Variants in FILIP1 observed in about 807,000 individuals in gnomAD.
FILIP1 encodes the protein filamin A interacting protein 1, also known as filamin-A-interacting protein 1.
FILIP1 carries 61 observed loss-of-function variants against 102.1 expected under a neutral mutation model. The ratio of observed to expected loss-of-function variants is 0.60; its 90% CI spans 0.49 to 0.74. The LOEUF (loss-of-function observed/expected upper bound fraction) is 0.74. FILIP1 is among the 30% of genes least tolerant of loss of function. The pLI is 0.00. For missense variants in FILIP1, 1,314 were observed against 1,441.2 expected, an observed-to-expected ratio of 0.91 and a Z score of 1.43; for synonymous variants, 491 against 526.9, an observed-to-expected ratio of 0.93 and a Z score of 0.93.
intron 1 of FILIP1, among the ~76,000 whole-genome samples, chr6:75,432,760 C>A (rs1276646440): frequency 6.6e-6 from 1 of 151,898 alleles, no homozygotes; most frequent in African/African-American, 2.4e-5. Context: ...TATACATGTG[C>A]CATGTTGGTG....
At chr6:75,407,170 A>G (rs1005109630) in intron 2 of FILIP1, among the ~76,000 whole-genome samples, 1 of 152,198 alleles carries the variant, frequency 6.6e-6, no homozygotes, top group Non-Finnish European at 1.5e-5. Context: ...TGAGTTAAGA[A>G]GTTACAGAAT....
chr6:75,433,220 AT>A (rs1346642108), intron 1 of FILIP1, among the ~76,000 whole-genome samples: 3 of 152,192 alleles, frequency 2.0e-5, no homozygotes, highest in Non-Finnish European at 4.4e-5. Context: ...GTCAAATGGT[AT>A]TTCTAGTTCT....
chr6:75,322,813 C>T (rs1773707050), intron 4 of FILIP1, among the ~76,000 whole-genome samples: 1 of 152,136 alleles, frequency 6.6e-6, no homozygotes, highest in East Asian at 1.9e-4. Flanking sequence ...CCCACCTCAG[C>T]CTCCTGAGTA....
At position 75,326,124 on chromosome 6, in the gene FILIP1, T is replaced by TAC. The variant is rs1554200337; in HGVS notation, c.630-10923_630-10922insGT. Among the ~76,000 whole-genome samples, 1,081 of 139,674 alleles carry TAC rather than the reference T, an allele frequency of 7.7e-3. 7 individuals carry two copies. The highest frequency in any genetic ancestry group is 0.021 in the African/African-American group (820 of 38,990). 91.6% of individuals were successfully genotyped at this position (139,674 alleles called of 152,430 possible). A position where few individuals can be genotyped will look rare whatever the true frequency, so the allele number is the denominator to read the frequency against. The stretch of plus-strand genomic sequence containing the variant: ...ATAGATAGATAGAGAGATAGATAGA[T>TAC]ATACACACACACACACACACACATC... On this transcript the variant is annotated intron_variant, in intron 4 of 5. Coordinates refer to ENST00000237172, the MANE Select transcript of FILIP1 (RefSeq NM_015687.5).
At chr6:75,375,003 T>C (rs1330143701) in intron 2 of FILIP1, among the ~76,000 whole-genome samples, 3 of 152,176 alleles carry the variant, frequency 2.0e-5, no homozygotes, top group Non-Finnish European at 4.4e-5. Flanking sequence ...ACACAGCTAT[T>C]TGCATGAGGC....
In FILIP1 at chr6:75,312,797, A is replaced by G. The variant is rs2149547182; in HGVS notation, c.3035T>C (p.Val1012Ala). ...RPTSPIQIMT[V>A]STSAAPAEIA... ...CTCAGCTGGTGCTGCTGATGTAGAC[A>G]CCGTCATTATCTGAATAGGGGATGT... The change falls in exon 5 of 6, where the codon GTG becomes GCG. Residue 1012 changes from valine (V) to alanine (A), a missense_variant. Val to Ala is a moderately conservative substitution (Grantham distance 64). Coordinates refer to ENST00000237172, the MANE Select transcript of FILIP1 (RefSeq NM_015687.5). 1 of 1,614,138 alleles carries G rather than the reference A, an allele frequency of 6.2e-7. No homozygotes were observed. Among genetic ancestry groups the G allele is most frequent in the Non-Finnish European group, 8.5e-7 (1 of 1,180,022 alleles).
chr6:75,380,176 C>G (rs1041740064), intron 2 of FILIP1, among the ~76,000 whole-genome samples: 1 of 148,106 alleles, frequency 6.8e-6, no homozygotes, highest in Non-Finnish European at 1.5e-5. Flanking sequence ...GAGATTCTAA[C>G]TGTAAAAAAC....
intron 4 of FILIP1, among the ~76,000 whole-genome samples, chr6:75,341,918 C>G (rs1464736246): frequency 6.6e-6 from 1 of 152,148 alleles, no homozygotes; most frequent in Non-Finnish European, 1.5e-5. Flanking sequence ...GAGTTTAATA[C>G]ACAGATGAGT....
intron 1 of FILIP1, among the ~76,000 whole-genome samples, chr6:75,466,075 A>G (rs1779157715): frequency 1.3e-5 from 2 of 151,790 alleles, no homozygotes; most frequent in Non-Finnish European, 2.9e-5. Context: ...CTTATTCCTC[A>G]CCTCTTTCAA....
intron 1 of FILIP1, among the ~76,000 whole-genome samples, chr6:75,429,761 G>T (rs539475294): frequency 6.6e-6 from 1 of 152,250 alleles, no homozygotes; most frequent in Admixed American, 6.5e-5. Context: ...TAATAGTTCA[G>T]GTAGAAATGA....
intron 6 of FILIP1, among the ~76,000 whole-genome samples, chr6:75,301,693 C>T (rs1381969554): frequency 6.6e-6 from 1 of 152,130 alleles, no homozygotes; most frequent in African/African-American, 2.4e-5. Flanking sequence ...TATTATGACT[C>T]TAAGAGAGAA....
chr6:75,492,469 G>C (rs1414590), intron 1 of FILIP1, among the ~76,000 whole-genome samples: 142,437 of 152,154 alleles, frequency 0.94, 67,326 homozygotes, highest in Non-Finnish European at 1. Flanking sequence ...TATTTTTATG[G>C]AAATCTACCC....
At chr6:75,426,009 C>A (rs1777612641) in intron 1 of FILIP1, among the ~76,000 whole-genome samples, 1 of 152,116 alleles carries the variant, frequency 6.6e-6, no homozygotes, top group Non-Finnish European at 1.5e-5. Flanking sequence ...GCTTTGCAGG[C>A]CATACGGTCT....
intron 6 of FILIP1, among the ~76,000 whole-genome samples, chr6:75,297,939 G>T (rs193056213): frequency 1.7e-4 from 26 of 152,264 alleles, no homozygotes; most frequent in Non-Finnish European, 1.6e-4. Flanking sequence ...TCCCTTTCAG[G>T]GTTAACATTT....
At chr6:75,393,251 A>C (rs1353810396) in intron 2 of FILIP1, among the ~76,000 whole-genome samples, 2 of 152,188 alleles carry the variant, frequency 1.3e-5, no homozygotes, top group Non-Finnish European at 2.9e-5. Context: ...GAATTTTTTT[A>C]AAAGACATAA....
At chr6:75,492,855 G>A (rs1780004038) in intron 1 of FILIP1, among the ~76,000 whole-genome samples, 1 of 152,164 alleles carries the variant, frequency 6.6e-6, no homozygotes, top group Non-Finnish European at 1.5e-5. Context: ...CCAGTCAGAA[G>A]CATTTGGGGT....
intron 1 of FILIP1, among the ~76,000 whole-genome samples, chr6:75,453,768 G>C (rs1272190226): frequency 2.0e-5 from 3 of 152,144 alleles, no homozygotes; most frequent in African/African-American, 7.2e-5. Context: ...ACTATGAACA[G>C]GCCAGAGCAC....
intron 2 of FILIP1, among the ~76,000 whole-genome samples, chr6:75,383,570 C>T (rs1775971299): frequency 6.6e-6 from 1 of 152,154 alleles, no homozygotes; most frequent in South Asian, 2.1e-4. Flanking sequence ...ATTCCACTCA[C>T]CAAGGCTAAT....
At chr6:75,353,400 C>T in intron 4 of FILIP1, 139 bp downstream of exon 4, 1 of 762,666 alleles carries the variant, frequency 1.3e-6, no homozygotes. Flanking sequence ...CTATGGTTAC[C>T]ACCCATTCAA....
Sources: allele counts gnomAD v4.1 joint callset (sites outside exome capture counted in the v4.1 genomes callset), GRCh38; gene constraint gnomAD v4.1.1; transcripts MANE v1.5; gene names NCBI Gene and HGNC (gene_info 2026-07-23, HGNC 2026-07-21).